GTSE1: variants seen among roughly 807,000 people sequenced by gnomAD.
GTSE1 encodes G2 and S phase-expressed protein 1.
Under a neutral mutation model 60.5 loss-of-function variants are expected in GTSE1, and 52 were observed. The ratio of observed to expected loss-of-function variants is 0.86; its 90% CI spans 0.69 to 1.08. The LOEUF is 1.08. GTSE1 is among the 50% of genes least tolerant of loss of function. The probability of loss-of-function intolerance (pLI) is 0.00; values close to 1 mark genes in which losing one functional copy is unlikely to be tolerated. For synonymous variants in GTSE1, 368 were observed against 386.5 expected, an observed-to-expected ratio of 0.95 and a Z score of 0.56; for missense variants, 937 against 961.8, an observed-to-expected ratio of 0.97 and a Z score of 0.34.
chr22:46,321,351 C>T lies in GTSE1; in HGVS notation c.1433-1839C>T, dbSNP rs919641372. Among the ~76,000 whole-genome samples the T allele has an allele frequency of 2.0e-5, 3 of 152,210 alleles. No homozygotes were observed. The highest frequency in any genetic ancestry group is 4.4e-5 in the Non-Finnish European group (3 of 68,038). ...CCCAGGAGTTCAAGGCTGCAGTGAGCAGTGATCAAGCCACTGCACTCCAGC... is the reference window on the plus strand; with the variant it reads ...CCCAGGAGTTCAAGGCTGCAGTGAGTAGTGATCAAGCCACTGCACTCCAGC... On this transcript the variant is annotated intron_variant, in intron 7 of 11. Transcript: ENST00000454366. This position sits in a 1 kb window ranked among gnomAD's most constrained non-coding sequence, Gnocchi z 4.0.
chr22:46,316,517 C>A lies in GTSE1; in HGVS notation c.1432+105C>A. ...GCATTGATGGTGTTTTTAGTTCTTTCCTCCAACAGTGCTTTCAGGTGTGAC... is the reference window on the plus strand; with the variant it reads ...GCATTGATGGTGTTTTTAGTTCTTTACTCCAACAGTGCTTTCAGGTGTGAC... On this transcript the variant is annotated intron_variant, in intron 7 of 11. Transcript: ENST00000454366. This position sits in a 1 kb window ranked among gnomAD's most constrained non-coding sequence, Gnocchi z 5.0. 1 of 852,480 alleles carries A rather than the reference C, an allele frequency of 1.2e-6. No homozygotes were observed. The highest frequency in any genetic ancestry group is 2.5e-5 in the East Asian group (1 of 40,344). 52.8% of individuals were successfully genotyped at this position (852,480 alleles called of 1,614,324 possible). A position where few individuals can be genotyped will look rare whatever the true frequency, so the allele number is the denominator to read the frequency against.
At chr22:46,312,064 C>A in intron 4 of GTSE1, 77 bp from the exon 5 acceptor site, 1 of 1,270,280 alleles carries the variant, frequency 7.9e-7, no homozygotes, top group Non-Finnish European at 1.1e-6. Context: ...CCTAGGCTCG[C>A]TCTGAATGGA....
At chr22:46,306,374 G>C (rs1298528370) in intron 2 of GTSE1, among the ~76,000 whole-genome samples, 2 of 151,184 alleles carry the variant, frequency 1.3e-5, no homozygotes, top group African/African-American at 4.9e-5. Flanking sequence ...GTAGAGACAG[G>C]GTTTCACCAT....
chr22:46,312,257 C>A lies in GTSE1; in HGVS notation c.879C>A (p.Ala293=). ...CGGGTGCTGTCAATGTGCCGGCCGC[C>A]GGAAGCCACTTGGGCCAGGGCAAGC... ...PAPGAVNVPA[A]GSHLGQGKRA... The change falls in exon 5 of 12, where the codon GCC becomes GCA. Residue 293 remains alanine, a synonymous_variant. Transcript: ENST00000454366. 1.2e-6 allele frequency: 2 copies of A among 1,614,030 alleles called. No individual in the cohort carries two copies. The highest frequency in any genetic ancestry group is 1.7e-6 in the Non-Finnish European group (2 of 1,179,972).
In GTSE1 at chr22:46,329,804, C is replaced by G. The variant is rs2077865789; in HGVS notation, c.2136+237C>G. On this transcript the variant is annotated intron_variant, in intron 11 of 11. Transcript: ENST00000454366. The surrounding 1 kb of genome is among the most constrained non-coding windows in gnomAD (Gnocchi z 6.4). ...TTGGACAGGGACCGCCTCTCTCCTG[C>G]CCATAGACCCCAGGGCCAGATGTGG... is the stretch of plus-strand genomic sequence containing the variant. 6.6e-6 allele frequency among the ~76,000 whole-genome samples: 1 copy of G among 152,208 alleles called. No homozygotes were observed. The highest frequency in any genetic ancestry group is 2.4e-5 in the African/African-American group (1 of 41,458).
rs2077726607 is a variant in GTSE1 at position 46,308,308 on chromosome 22, T to A, written c.138-11T>A. ...TATGAGTTATTAATCATTCTTTTTT[T>A]AAACAAATAGTGCAAATGAAGATGA... On this transcript the variant is annotated splice_polypyrimidine_tract_variant and intron_variant, in intron 3 of 11. Transcript: ENST00000454366. The A allele has an allele frequency of 1.2e-6, 2 of 1,610,934 alleles. No individual in the cohort carries two copies. Among genetic ancestry groups the A allele is most frequent in the African/African-American group, 1.3e-5 (1 of 74,848 alleles).
intron 2 of GTSE1, among the ~76,000 whole-genome samples, chr22:46,307,421 G>A (rs1179674176): frequency 2.6e-5 from 4 of 152,156 alleles, no homozygotes; most frequent in Non-Finnish European, 4.4e-5. Flanking sequence ...CTAGTTGAAT[G>A]AGTCAGTGAA....
At chr22:46,311,948 T>C (rs2077750760) in intron 4 of GTSE1, among the ~76,000 whole-genome samples, 193 bp from the exon 5 acceptor site, 1 of 152,224 alleles carries the variant, frequency 6.6e-6, no homozygotes, top group Non-Finnish European at 1.5e-5. Context: ...AAATCCATCA[T>C]CACTTATGTC....
rs946145989 is a variant in GTSE1, at chr22:46,309,420, G to T, written c.762+477G>T. Among the ~76,000 whole-genome samples the T allele has an allele frequency of 6.6e-6, 1 of 152,050 alleles. No individual in the cohort carries two copies. Among genetic ancestry groups the T allele is most frequent in the African/African-American group, 2.4e-5 (1 of 41,400 alleles). On this transcript the variant is annotated intron_variant, in intron 4 of 11. Transcript: ENST00000454366. The surrounding 1 kb of genome is among the most constrained non-coding windows in gnomAD (Gnocchi z 6.2). ...GGGACACTGAGGGTCCTGGAGGTCTGGGGGAAAGCTGGGTGTGAGCACAGG... is the reference window on the plus strand; with the variant it reads ...GGGACACTGAGGGTCCTGGAGGTCTTGGGGAAAGCTGGGTGTGAGCACAGG...
In GTSE1 at chr22:46,308,821, A is replaced by G; in HGVS notation, c.640A>G (p.Arg214Gly). 1 of 1,613,290 alleles carries G rather than the reference A, an allele frequency of 6.2e-7. No homozygotes were observed. The highest frequency in any genetic ancestry group is 8.5e-7 in the Non-Finnish European group (1 of 1,180,026). ...TCCGCACTCTGCTCATGCTTTGCCC[A>G]GGGAATCATGCACTGCTCATGCTGC... The part of the protein sequence containing the change: ...GPPHSAHALP[R>G]ESCTAHAASQ... Residue 214 changes from arginine (R) to glycine (G), a missense_variant, in exon 4 of 12, where the codon AGG becomes GGG. Physicochemically the swap from Arg to Gly is moderately radical, Grantham distance 125. Coordinates refer to ENST00000454366, the MANE Select transcript of GTSE1 (RefSeq NM_016426.7).
rs531807280 is a variant in GTSE1 at position 46,324,170 on chromosome 22, G to A, written c.1505+908G>A. ...TTCCTCCTGTGTGAGCTTGAGACAC[G>A]CTTCGCGAGGTCGAACTAGCCAGTC... On this transcript the variant is annotated intron_variant, in intron 8 of 11. Coordinates refer to ENST00000454366, the MANE Select transcript of GTSE1 (RefSeq NM_016426.7). This position sits in a 1 kb window ranked among gnomAD's most constrained non-coding sequence, Gnocchi z 5.2. 6.6e-6 allele frequency among the ~76,000 whole-genome samples: 1 copy of A among 152,206 alleles called. No individual in the cohort carries two copies. The highest frequency in any genetic ancestry group is 2.1e-4 in the South Asian group (1 of 4,822).
Position 46,323,051 on chromosome 22 carries a change from T to C in GTSE1, c.1433-139T>C, listed in dbSNP as rs375982746. The C allele has an allele frequency of 4.7e-4, 334 of 705,078 alleles. 2 individuals carry two copies. The African/African-American group carries it at 4.9e-3, about 10-fold the overall frequency. 43.7% of individuals were successfully genotyped at this position (705,078 alleles called of 1,614,324 possible). A position where few individuals can be genotyped will look rare whatever the true frequency, so the allele number is the denominator to read the frequency against. On this transcript the variant is annotated intron_variant, in intron 7 of 11. Transcript: ENST00000454366. Reference sequence around the variant, plus strand: ...TGCAGCAGGGTGGCCCTTTGTGTACTTGTCTGAGCCAGTGCCACCTACACT... The same window carrying C: ...TGCAGCAGGGTGGCCCTTTGTGTACCTGTCTGAGCCAGTGCCACCTACACT...
At chr22:46,301,299 A>G (rs1443482611) in intron 2 of GTSE1, among the ~76,000 whole-genome samples, 1 of 152,152 alleles carries the variant, frequency 6.6e-6, no homozygotes, top group Non-Finnish European at 1.5e-5. Context: ...GCTGGGTCGA[A>G]GAGGGTGTGT....
Position 46,297,475 on chromosome 22 carries a change from G to C in GTSE1, c.75G>C (p.Lys25Asn), listed in dbSNP as rs748628627. ...ACGTGAACATGGATGACCCTAAGAA[G>C]GAAGGCAAGTCCTTGCTGCTGCGGC... ...AGDVNMDDPKKEDILLLADEK... is the reference protein window; with the variant it reads ...AGDVNMDDPKNEDILLLADEK... The change falls in exon 2 of 12, where the codon AAG (lysine) becomes AAC (asparagine). Residue 25 changes from lysine to asparagine, a missense_variant. Physicochemically the swap from Lys to Asn is moderately conservative, Grantham distance 94. Transcript: ENST00000454366. The surrounding 1 kb of genome is among the most constrained non-coding windows in gnomAD (Gnocchi z 4.9). 2 of 1,609,164 alleles carry C rather than the reference G, an allele frequency of 1.2e-6. No homozygotes were observed. Among genetic ancestry groups the C allele is most frequent in the East Asian group, 4.5e-5 (2 of 44,858 alleles).
At position 46,297,026 on chromosome 22, in the gene GTSE1, G is replaced by A. The variant is rs982876720; in HGVS notation, c.-22+95G>A. The A allele has an allele frequency of 1.0e-5, 2 of 198,374 alleles. No individual in the cohort carries two copies. The highest frequency in any genetic ancestry group is 2.1e-5 in the Non-Finnish European group (2 of 95,736). 12.3% of individuals were successfully genotyped at this position (198,374 alleles called of 1,614,324 possible). A position where few individuals can be genotyped will look rare whatever the true frequency, so the allele number is the denominator to read the frequency against. On this transcript the variant is annotated intron_variant, in intron 1 of 11. Transcript: ENST00000454366. The surrounding 1 kb of genome is among the most constrained non-coding windows in gnomAD (Gnocchi z 4.9). ...TCGGGACGGGGAGGGGCCGCGCCCC[G>A]CCAGGAGCCGGGCCTGGGCTCGAGC... is the stretch of plus-strand genomic sequence containing the variant.
In GTSE1 at chr22:46,319,725, C is replaced by G. The variant is rs796235957; in HGVS notation, c.1432+3313C>G. Among the ~76,000 whole-genome samples the G allele has an allele frequency of 9.9e-5, 15 of 152,200 alleles. No homozygotes were observed. Among genetic ancestry groups the G allele is most frequent in the South Asian group, 4.1e-4 (2 of 4,820 alleles). On this transcript the variant is annotated intron_variant, in intron 7 of 11. Coordinates refer to ENST00000454366, the MANE Select transcript of GTSE1 (RefSeq NM_016426.7). This position sits in a 1 kb window ranked among gnomAD's most constrained non-coding sequence, Gnocchi z 5.0. ...TGTGAGCTGGGCACGGTGGCTAACT[C>G]CTGTAATCCTAGCACTTTGGGAGGC... is the stretch of plus-strand genomic sequence containing the variant.
At chr22:46,327,071 C>T (rs546375853) in intron 9 of GTSE1, 4 of 166,476 alleles carry the variant, frequency 2.4e-5, no homozygotes, top group Non-Finnish European at 2.6e-5. Flanking sequence ...GGTGTGGTGG[C>T]GTGCACTGTA....
chr22:46,297,956 T>TTTTATTTATTTA lies in GTSE1; in HGVS notation c.79+492_79+503dup, dbSNP rs111808708. 7.9e-5 allele frequency among the ~76,000 whole-genome samples: 12 copies of TTTTATTTATTTA among 151,674 alleles called. No homozygotes were observed. The highest frequency in any genetic ancestry group is 2.7e-4 in the African/African-American group (11 of 41,140). ...ACACCCTCTTTTTCTCTCAAAGCGT[T>TTTTATTTATTTA]TTTATTTATTTATTTATTTATTTAT... On this transcript the variant is annotated intron_variant, in intron 2 of 11. Coordinates refer to ENST00000454366, the MANE Select transcript of GTSE1 (RefSeq NM_016426.7). The surrounding 1 kb of genome is among the most constrained non-coding windows in gnomAD (Gnocchi z 4.9).
At chr22:46,300,387 C>T (rs759268109) in intron 2 of GTSE1, among the ~76,000 whole-genome samples, 3 of 152,328 alleles carry the variant, frequency 2.0e-5, no homozygotes, top group South Asian at 2.1e-4. Context: ...TGAGCTACCA[C>T]GCCAGGCCTA....
Sources: gnomAD v4.1 joint callset for allele counts (sites outside exome capture counted in the v4.1 genomes callset) on GRCh38, gnomAD v4.1.1 for gene constraint, Gnocchi (gnomAD v3.1) non-coding constraint, MANE v1.5 for transcripts, NCBI Gene and HGNC (gene_info 2026-07-23, HGNC 2026-07-21) for gene names.